Variants in NLGN1 observed in about 807,000 individuals in gnomAD.
NLGN1 encodes the protein neuroligin-1.
Under a neutral mutation model 65.5 loss-of-function variants are expected in NLGN1, and 12 were observed. That is an observed-to-expected ratio of 0.18 (90% confidence interval 0.12 to 0.30). NLGN1 has a LOEUF of 0.30. Ranked by LOEUF, NLGN1 falls within the 10% of genes least tolerant of loss-of-function variation. The pLI, the probability that NLGN1 is intolerant of heterozygous loss-of-function variation, is 1.00. For synonymous variants in NLGN1, 350 were observed against 359.5 expected, an observed-to-expected ratio of 0.97 and a Z score of 0.30; for missense variants, 750 against 1,007.1, an observed-to-expected ratio of 0.74 and a Z score of 3.46.
intron 3 of NLGN1, among the ~76,000 whole-genome samples, chr3:173,786,694 A>G (rs995324687): frequency 3.9e-4 from 60 of 152,210 alleles, no homozygotes; most frequent in Admixed American, 3.3e-3. Flanking sequence ...CTATTTCTTA[A>G]CCTGTATCAG....
intron 4 of NLGN1, among the ~76,000 whole-genome samples, chr3:173,808,192 A>C (rs1717082904): frequency 6.6e-6 from 1 of 152,138 alleles, no homozygotes; most frequent in Non-Finnish European, 1.5e-5. Flanking sequence ...AGCTAAGACT[A>C]AGTTTACATT....
At chr3:174,243,628 G>T (rs1041497664) in intron 4 of NLGN1, among the ~76,000 whole-genome samples, 3 of 151,912 alleles carry the variant, frequency 2.0e-5, no homozygotes, top group Non-Finnish European at 4.4e-5. Flanking sequence ...GTCCCATAAG[G>T]TTGGTTATAT....
intron 1 of NLGN1, among the ~76,000 whole-genome samples, chr3:173,401,541 T>C (rs1468232372): frequency 6.6e-6 from 1 of 150,902 alleles, no homozygotes; most frequent in African/African-American, 2.4e-5. Flanking sequence ...CTGAGCATTG[T>C]GTCTTTTTTT....
intron 3 of NLGN1, among the ~76,000 whole-genome samples, chr3:173,655,297 A>C (rs1269431521): frequency 6.6e-6 from 1 of 152,138 alleles, no homozygotes; most frequent in Non-Finnish European, 1.5e-5. Context: ...AGAAAGTATG[A>C]AAGGTGCTTC....
intron 4 of NLGN1, among the ~76,000 whole-genome samples, chr3:173,942,109 G>GGGGTGT (rs1191002397): frequency 9.7e-5 from 14 of 144,070 alleles, no homozygotes; most frequent in African/African-American, 3.4e-4. Flanking sequence ...GGTGGTTGGG[G>GGGGTGT]GTGTGTGTGT....
chr3:173,539,742 G>T (rs541952956), intron 2 of NLGN1, among the ~76,000 whole-genome samples: 9 of 133,232 alleles, frequency 6.8e-5, no homozygotes, highest in African/African-American at 2.5e-4. Context: ...ATACATATAT[G>T]TACATATATA....
At chr3:173,747,322 TTA>T (rs1775608362) in intron 3 of NLGN1, among the ~76,000 whole-genome samples, 1 of 144,226 alleles carries the variant, frequency 6.9e-6, no homozygotes, top group South Asian at 2.1e-4. Flanking sequence ...TTATATATAC[TTA>T]TATACATTTT....
chr3:173,909,043 G>T (rs1203639424), intron 4 of NLGN1, among the ~76,000 whole-genome samples: 1 of 152,040 alleles, frequency 6.6e-6, no homozygotes, highest in Non-Finnish European at 1.5e-5. Context: ...TGGAAAAATG[G>T]ATCATTTTTC....
intron 3 of NLGN1, among the ~76,000 whole-genome samples, chr3:173,702,868 A>C (rs1034322708): frequency 6.6e-6 from 1 of 152,200 alleles, no homozygotes; most frequent in African/African-American, 2.4e-5. Flanking sequence ...CAGAAATAAA[A>C]TTAAAATGGT....
intron 2 of NLGN1, among the ~76,000 whole-genome samples, chr3:173,525,543 A>C (rs1735506254): frequency 6.6e-6 from 1 of 151,990 alleles, no homozygotes; most frequent in South Asian, 2.1e-4. Flanking sequence ...CTTTCTAAGA[A>C]CAAACTTTTT....
At chr3:173,841,364 A>G (rs1362033912) in intron 4 of NLGN1, among the ~76,000 whole-genome samples, 1 of 152,188 alleles carries the variant, frequency 6.6e-6, no homozygotes, top group African/African-American at 2.4e-5. Flanking sequence ...TGAATCTTGC[A>G]TCTGAAGTAG....
intron 4 of NLGN1, among the ~76,000 whole-genome samples, chr3:173,881,464 G>A (rs1219449600): frequency 1.3e-4 from 14 of 107,360 alleles, no homozygotes; most frequent in Admixed American, 1.1e-3. Flanking sequence ...TCGCTCTGTT[G>A]CCCAGGCTGG....
At chr3:173,468,147 C>T (rs1021555511) in intron 2 of NLGN1, among the ~76,000 whole-genome samples, 4 of 152,060 alleles carry the variant, frequency 2.6e-5, no homozygotes. Flanking sequence ...ATTCAACTTA[C>T]TCTCTTCAGC....
At chr3:174,070,823 G>A (rs958486000) in intron 4 of NLGN1, among the ~76,000 whole-genome samples, 19 of 152,138 alleles carry the variant, frequency 1.2e-4, no homozygotes, top group African/African-American at 3.6e-4. Context: ...GGGAGGCCAA[G>A]GTAGGAGGAT....
intron 4 of NLGN1, among the ~76,000 whole-genome samples, chr3:174,154,368 T>A (rs9812430): frequency 0.079 from 11,966 of 152,094 alleles, 626 homozygotes; most frequent in African/African-American, 0.15. Context: ...AGTGACAATA[T>A]TTCCCATTTA....
chr3:173,407,962 A>G (rs541095244), intron 1 of NLGN1, among the ~76,000 whole-genome samples: 3 of 152,328 alleles, frequency 2.0e-5, no homozygotes, highest in Admixed American at 1.3e-4. Context: ...ATTATTTAAA[A>G]TGGAATGTAT....
chr3:173,895,201 C>T (rs1236923713), intron 4 of NLGN1, among the ~76,000 whole-genome samples: 2 of 152,142 alleles, frequency 1.3e-5, no homozygotes, highest in African/African-American at 4.8e-5. Flanking sequence ...CCTCTTGCAT[C>T]TCTCTGAACA....
intron 4 of NLGN1, among the ~76,000 whole-genome samples, chr3:174,001,944 C>A (rs1448155831): frequency 6.6e-6 from 1 of 151,476 alleles, no homozygotes; most frequent in Non-Finnish European, 1.5e-5. Context: ...ACTTCGGAAA[C>A]TCTGATGTAG....
intron 1 of NLGN1, among the ~76,000 whole-genome samples, chr3:173,423,911 G>T (rs1447272385): frequency 6.6e-6 from 1 of 152,160 alleles, no homozygotes; most frequent in Non-Finnish European, 1.5e-5. Context: ...CCGTAGCAGA[G>T]GTTCTCCACG....
Sources: allele counts gnomAD v4.1 joint callset (sites outside exome capture counted in the v4.1 genomes callset), GRCh38; gene constraint gnomAD v4.1.1; transcripts MANE v1.5; gene names NCBI Gene and HGNC (gene_info 2026-07-23, HGNC 2026-07-21).